The following CCDC73 variants were observed in gnomAD, a reference collection of about 807,000 sequenced individuals.
CCDC73 encodes the protein coiled-coil domain-containing protein 73.
A neutral mutation model predicts 116.5 loss-of-function variants in CCDC73; 95 were observed. The ratio of observed to expected loss-of-function variants is 0.82; its 90% CI spans 0.69 to 0.97. The LOEUF (loss-of-function observed/expected upper bound fraction) is 0.97, where lower values mean the gene tolerates loss of function less well. Among genes scored for constraint, CCDC73 ranks in the 50% least tolerant of loss-of-function variants. CCDC73 has a pLI of 0.00. For missense variants in CCDC73, 1,066 were observed against 1,206.8 expected (o/e 0.88, Z 1.73); for synonymous variants, 398 against 401.3 (o/e 0.99, Z 0.10).
At chr11:32,803,529 A>T in the CCDC73 span, among the ~76,000 whole-genome samples, 1 of 152,242 alleles carries the variant, frequency 6.6e-6, no homozygotes, top group Non-Finnish European at 1.5e-5. Flanking sequence ...CAATTCCATA[A>T]GGGAACATAT....
intron 2 of CCDC73, among the ~76,000 whole-genome samples, chr11:32,745,154 C>T (rs1455955771): frequency 3.3e-5 from 5 of 152,144 alleles, no homozygotes; most frequent in African/African-American, 7.2e-5. Context: ...GCCTTCATTT[C>T]GTTATGGACC....
intron 6 of CCDC73, among the ~76,000 whole-genome samples, chr11:32,696,683 GC>G (rs1281133793): frequency 6.6e-6 from 1 of 151,644 alleles, no homozygotes; most frequent in Non-Finnish European, 1.5e-5. Flanking sequence ...CAATCCATCC[GC>G]CCAAAATGCT....
At chr11:32,627,557 C>T (rs1473311635) in intron 14 of CCDC73, among the ~76,000 whole-genome samples, 1 of 152,194 alleles carries the variant, frequency 6.6e-6, no homozygotes, top group African/African-American at 2.4e-5. Context: ...ATAGCAAAGA[C>T]TTGGAACCAA....
At chr11:32,623,240 T>A (rs1273039650) in intron 14 of CCDC73, among the ~76,000 whole-genome samples, 1 of 152,102 alleles carries the variant, frequency 6.6e-6, no homozygotes, top group Non-Finnish European at 1.5e-5. Context: ...CTCCTGACCT[T>A]GTGATCCACC....
At chr11:32,660,168 A>G (rs1219376921) in intron 9 of CCDC73, among the ~76,000 whole-genome samples, 3 of 144,178 alleles carry the variant, frequency 2.1e-5, no homozygotes, top group Non-Finnish European at 4.5e-5. Flanking sequence ...AAGGTGGAAA[A>G]TCTTTTTTAT....
intron 1 of CCDC73, among the ~76,000 whole-genome samples, chr11:32,768,628 C>A: frequency 6.6e-6 from 1 of 152,168 alleles, no homozygotes; most frequent in African/African-American, 2.4e-5. Flanking sequence ...ATTTAAAATG[C>A]TTCCAGATTG....
upstream of CCDC73, among the ~76,000 whole-genome samples, chr11:32,798,615 G>A (rs530431894): frequency 1.3e-5 from 2 of 152,196 alleles, no homozygotes; most frequent in South Asian, 4.2e-4. Context: ...CTTATTATTC[G>A]TTATTATTGT....
At chr11:32,771,158 C>T (rs550001895) in intron 1 of CCDC73, among the ~76,000 whole-genome samples, 1 of 152,266 alleles carries the variant, frequency 6.6e-6, no homozygotes, top group Non-Finnish European at 1.5e-5. Flanking sequence ...ATTGTACTGG[C>T]AGCAGCACTG....
intron 2 of CCDC73, among the ~76,000 whole-genome samples, chr11:32,726,575 A>G (rs1435139286): frequency 2.0e-5 from 3 of 152,168 alleles, no homozygotes; most frequent in Non-Finnish European, 4.4e-5. Context: ...AACAAGATTG[A>G]CAAAGTTGAT....
intron 9 of CCDC73, among the ~76,000 whole-genome samples, chr11:32,661,956 T>C (rs887976166): frequency 5.9e-5 from 9 of 151,714 alleles, no homozygotes; most frequent in Non-Finnish European, 8.8e-5. Flanking sequence ...GTCCTTGAGA[T>C]AGTTTGCTGA....
At chr11:32,667,394 T>C (rs1855995295) in intron 9 of CCDC73, among the ~76,000 whole-genome samples, 2 of 152,258 alleles carry the variant, frequency 1.3e-5, no homozygotes, top group African/African-American at 4.8e-5. Flanking sequence ...CGCTGCTGCC[T>C]TGCAGTTTGA....
rs773739213 is a variant in CCDC73, at chr11:32,613,745, A to G, written c.2573T>C (p.Phe858Ser). 1 of 1,614,074 alleles carries G rather than the reference A, an allele frequency of 6.2e-7. No individual in the cohort carries two copies. The highest frequency in any genetic ancestry group is 2.2e-5 in the East Asian group (1 of 44,880). ...TGATTCCTCCAGCTGTCCTTCACTG[A>G]ACATTTTTCCTGAAACAATGTCATT... is the stretch of plus-strand genomic sequence containing the variant. Reference protein sequence around the residue: ...SLNDIVSGKMFSEGQLEESHS... With the variant: ...SLNDIVSGKMSSEGQLEESHS... Residue 858 changes from phenylalanine (F) to serine (S), a missense_variant, in exon 16 of 18, where the codon TTC becomes TCC. Coordinates refer to ENST00000335185, the MANE Select transcript of CCDC73 (RefSeq NM_001008391.4).
intron 1 of CCDC73, among the ~76,000 whole-genome samples, chr11:32,780,914 AGTGCCTCTCAAAAGTTT>A (rs1340124253): frequency 3.3e-5 from 5 of 152,200 alleles, no homozygotes; most frequent in Admixed American, 1.3e-4. Flanking sequence ...ACTATATTAT[AGTGCCTCTCAAAAGTTT>A]GTGCCCAGCC....
At chr11:32,632,408 T>C (rs1390983391) in intron 14 of CCDC73, among the ~76,000 whole-genome samples, 1 of 152,144 alleles carries the variant, frequency 6.6e-6, no homozygotes, top group Non-Finnish European at 1.5e-5. Context: ...CCTATTTTAA[T>C]AGAGGCGGGC....
chr11:32,663,736 T>G (rs776410192), intron 9 of CCDC73, among the ~76,000 whole-genome samples: 13 of 152,292 alleles, frequency 8.5e-5, no homozygotes, highest in South Asian at 2.1e-4. Context: ...AGTGGTGAGA[T>G]AGGGCATCCC....
chr11:32,684,800 T>C (rs1387722422), intron 6 of CCDC73, among the ~76,000 whole-genome samples: 2 of 151,970 alleles, frequency 1.3e-5, no homozygotes, highest in Non-Finnish European at 2.9e-5. Context: ...CTGGGCAACA[T>C]GGTGAAAGTC....
chr11:32,728,543 T>C (rs1018596331), intron 2 of CCDC73, among the ~76,000 whole-genome samples: 5 of 152,096 alleles, frequency 3.3e-5, no homozygotes. Flanking sequence ...AATATTTAGA[T>C]CCCAAGATCT....
In CCDC73 at chr11:32,704,061, G is replaced by A. The variant is rs143244963; in HGVS notation, c.208-1117C>T. ...TGCCAGCTGCAGCAAGGGAGGTTGC[G>A]GCCAAGGCTACGGCTCTGCAAAGTC... On this transcript the variant is annotated intron_variant, in intron 3 of 17. Coordinates refer to ENST00000335185, the MANE Select transcript of CCDC73 (RefSeq NM_001008391.4). Among the ~76,000 whole-genome samples the A allele has an allele frequency of 7.1e-3, 1,085 of 152,320 alleles. 12 individuals carry two copies. The highest frequency in any genetic ancestry group is 0.024 in the African/African-American group (1,015 of 41,580).
intron 13 of CCDC73, among the ~76,000 whole-genome samples, chr11:32,637,935 C>A: frequency 6.6e-6 from 1 of 152,196 alleles, no homozygotes; most frequent in East Asian, 1.9e-4. Flanking sequence ...ACCATAAATT[C>A]TACAGTTCTC....
Sources: allele counts gnomAD v4.1 joint callset (sites outside exome capture counted in the v4.1 genomes callset), GRCh38; gene constraint gnomAD v4.1.1; transcripts MANE v1.5; gene names NCBI Gene and HGNC (gene_info 2026-07-23, HGNC 2026-07-21).